Variants in EYA2 observed in about 807,000 individuals in gnomAD.
The protein encoded by EYA2 is EYA transcriptional coactivator and phosphatase 2, also known as protein phosphatase EYA2.
EYA2 carries 31 observed loss-of-function variants against 69.2 expected under a neutral mutation model. The observed-to-expected ratio is 0.45, with a 90% CI of 0.34 to 0.60. The LOEUF is 0.60. EYA2 is among the 20% of genes least tolerant of loss of function. The pLI is 0.02. For synonymous variants in EYA2, 257 were observed against 279.4 expected, an observed-to-expected ratio of 0.92 and a Z score of 0.80; for missense variants, 622 against 701.2, an observed-to-expected ratio of 0.89 and a Z score of 1.28.
intron 1 of EYA2, among the ~76,000 whole-genome samples, chr20:46,970,914 A>G (rs6066146): frequency 0.44 from 66,346 of 150,478 alleles, 15,358 homozygotes; most frequent in Admixed American, 0.61. Context: ...GACAAATGAA[A>G]TGATATTATG....
At chr20:46,968,228 T>A (rs1302093603) in intron 1 of EYA2, among the ~76,000 whole-genome samples, 1 of 152,220 alleles carries the variant, frequency 6.6e-6, no homozygotes, top group Non-Finnish European at 1.5e-5. Flanking sequence ...CCTGATCTTG[T>A]TAACCCACCT....
intron 1 of EYA2, among the ~76,000 whole-genome samples, chr20:46,919,730 T>A (rs1985093884): frequency 6.6e-6 from 1 of 152,254 alleles, no homozygotes; most frequent in South Asian, 2.1e-4. Context: ...CCTTCAAAAA[T>A]TTTTCCTTTG....
At chr20:47,002,070 A>G (rs1000350658) in intron 3 of EYA2, among the ~76,000 whole-genome samples, 4 of 151,896 alleles carry the variant, frequency 2.6e-5, no homozygotes, top group South Asian at 2.1e-4. Context: ...CTGGGATTAC[A>G]GGCTCCCTTC....
In EYA2 at chr20:47,055,173, G is replaced by A. The variant is rs559066066; in HGVS notation, c.416-17012G>A. On this transcript the variant is annotated intron_variant, in intron 5 of 15. Coordinates refer to ENST00000327619, the MANE Select transcript of EYA2 (RefSeq NM_005244.5). ...CACTGATTGGTCCAGGCTCAGTCAC[G>A]TGATGCATCCCTGCCAAATTCTCAC... Among the ~76,000 whole-genome samples the A allele has an allele frequency of 2.6e-5, 4 of 152,314 alleles. No individual in the cohort carries two copies. The East Asian group carries it at 7.7e-4, about 29-fold the overall frequency.
At chr20:46,955,851 T>A (rs992693822) in intron 1 of EYA2, among the ~76,000 whole-genome samples, 1 of 152,238 alleles carries the variant, frequency 6.6e-6, no homozygotes, top group African/African-American at 2.4e-5. Flanking sequence ...TGGCAAACTT[T>A]TTCTGTAAAG....
intron 5 of EYA2, among the ~76,000 whole-genome samples, chr20:47,045,652 T>A (rs2029996716): frequency 6.6e-6 from 1 of 152,198 alleles, no homozygotes. Context: ...CTTCCTCAAC[T>A]CTTTTCATAT....
At chr20:47,074,417 T>A in intron 7 of EYA2, 82 bp downstream of exon 7, 1 of 1,432,782 alleles carries the variant, frequency 7.0e-7, no homozygotes, top group Non-Finnish European at 9.6e-7. Context: ...TGGGTCCCAA[T>A]TGTAACAAAC....
At chr20:47,053,396 C>CGGCTCA (rs1042008948) in intron 5 of EYA2, among the ~76,000 whole-genome samples, 2 of 152,074 alleles carry the variant, frequency 1.3e-5, no homozygotes, top group African/African-American at 2.4e-5. Context: ...CCGGGTGCAG[C>CGGCTCA]GGCTCATGCC....
intron 1 of EYA2, among the ~76,000 whole-genome samples, chr20:46,931,244 G>A (rs1985654297): frequency 6.6e-6 from 1 of 152,200 alleles, no homozygotes; most frequent in African/African-American, 2.4e-5. Flanking sequence ...ACTGAATTTA[G>A]AGAAGCAGCA....
intron 8 of EYA2, among the ~76,000 whole-genome samples, chr20:47,092,956 T>C (rs2032130474): frequency 6.6e-6 from 1 of 152,240 alleles, no homozygotes; most frequent in Non-Finnish European, 1.5e-5. Flanking sequence ...CAACTTGAGC[T>C]ACTTAGGTGA....
intron 15 of EYA2, among the ~76,000 whole-genome samples, chr20:47,184,354 A>G (rs1334729227): frequency 6.6e-6 from 1 of 151,402 alleles, no homozygotes; most frequent in Non-Finnish European, 1.5e-5. Context: ...CTTTATTGCT[A>G]ACATCATCAT....
At chr20:46,944,640 A>G (rs1465909578) in intron 1 of EYA2, among the ~76,000 whole-genome samples, 1 of 152,192 alleles carries the variant, frequency 6.6e-6, no homozygotes, top group Non-Finnish European at 1.5e-5. Context: ...CAAAGCCCCC[A>G]GTAGGACCTG....
At chr20:47,139,475 C>T (rs1304585339) in intron 9 of EYA2, among the ~76,000 whole-genome samples, 1 of 152,106 alleles carries the variant, frequency 6.6e-6, no homozygotes, top group Non-Finnish European at 1.5e-5. Context: ...TCTTGTTGCC[C>T]AGGCTGGAGT....
intron 9 of EYA2, among the ~76,000 whole-genome samples, chr20:47,137,006 T>C (rs182446515): frequency 6.6e-6 from 1 of 152,236 alleles, no homozygotes; most frequent in East Asian, 1.9e-4. Context: ...ACAAGTTCTC[T>C]AGTCAAACAA....
At chr20:47,147,708 G>T (rs1027638422) in intron 10 of EYA2, among the ~76,000 whole-genome samples, 1 of 152,156 alleles carries the variant, frequency 6.6e-6, no homozygotes, top group Admixed American at 6.5e-5. Flanking sequence ...GCAGGCATCC[G>T]CATTAAATCA....
chr20:47,056,659 A>G (rs1453613895), intron 5 of EYA2, among the ~76,000 whole-genome samples: 1 of 152,168 alleles, frequency 6.6e-6, no homozygotes, highest in Non-Finnish European at 1.5e-5. Flanking sequence ...GTTATCAGGG[A>G]AAATCATGAG....
intron 5 of EYA2, among the ~76,000 whole-genome samples, chr20:47,068,859 G>A (rs1054468251): frequency 6.6e-6 from 1 of 152,120 alleles, no homozygotes; most frequent in East Asian, 1.9e-4. Context: ...CTTGTTTGAT[G>A]TAAGTCACCG....
intron 4 of EYA2, 41 bp from the exon 5 acceptor site, chr20:47,016,140 A>T (rs552714929): frequency 7.0e-7 from 1 of 1,437,726 alleles, no homozygotes; most frequent in Admixed American, 1.7e-5. Context: ...CATCCTAATC[A>T]TGTGTCCTTG....
In EYA2 at chr20:47,183,282, T is replaced by C. The variant is rs1422977229; in HGVS notation, c.1436-9T>C. ...GAGCGTTTTTTCTTTCCTTCCTGTG[T>C]GCGTGCAGGGAAGGAGAGCTGCTTC... On this transcript the variant is annotated splice_polypyrimidine_tract_variant and intron_variant, in intron 14 of 15. Coordinates refer to ENST00000327619, the MANE Select transcript of EYA2 (RefSeq NM_005244.5). 1 of 1,613,368 alleles carries C rather than the reference T, an allele frequency of 6.2e-7. No homozygotes were observed. The highest frequency in any genetic ancestry group is 1.1e-5 in the South Asian group (1 of 90,954).
Sources: gnomAD v4.1 joint callset for allele counts (sites outside exome capture counted in the v4.1 genomes callset) on GRCh38, gnomAD v4.1.1 for gene constraint, MANE v1.5 for transcripts, NCBI Gene and HGNC (gene_info 2026-07-23, HGNC 2026-07-21) for gene names.